SLCO6A1: variants seen among roughly 807,000 people sequenced by gnomAD.
SLCO6A1 encodes the protein cancer/testis antigen 48.
SLCO6A1 carries 65 observed loss-of-function variants against 72.7 expected under a neutral mutation model. That is an observed-to-expected ratio of 0.89 (90% CI 0.73 to 1.10). The LOEUF is 1.10. SLCO6A1 is among the 50% of genes least tolerant of loss of function. The pLI, the probability that SLCO6A1 is intolerant of heterozygous loss-of-function variation, is 0.00. For synonymous variants in SLCO6A1, 314 were observed against 298.2 expected (o/e 1.05, Z -0.55); for missense variants, 874 against 872.6 (o/e 1.00, Z -0.02).
intron 6 of SLCO6A1, among the ~76,000 whole-genome samples, chr5:102,443,469 G>C (rs771833507): frequency 2.0e-5 from 3 of 152,104 alleles, no homozygotes; most frequent in Non-Finnish European, 4.4e-5. Context: ...GACTAGATTA[G>C]TTAGTCACTC....
At chr5:102,485,277 T>C (rs1415299543) in intron 1 of SLCO6A1, among the ~76,000 whole-genome samples, 1 of 124,624 alleles carries the variant, frequency 8.0e-6, no homozygotes, top group African/African-American at 3.3e-5. Context: ...AATAAATAAA[T>C]AAATAAATAA....
At chr5:102,437,420 C>A (rs1050089212) in intron 7 of SLCO6A1, among the ~76,000 whole-genome samples, 6 of 152,040 alleles carry the variant, frequency 3.9e-5, no homozygotes, top group Non-Finnish European at 5.9e-5. Flanking sequence ...CTGGCTAGAT[C>A]CAGGAGCTTG....
At chr5:102,381,226 C>A (rs769952010) in intron 12 of SLCO6A1, among the ~76,000 whole-genome samples, 70 of 151,692 alleles carry the variant, frequency 4.6e-4, no homozygotes, top group Non-Finnish European at 9.0e-4. Context: ...CAATATCTCT[C>A]ATTTCCCATT....
chr5:102,464,220 A>G (rs1751199637), intron 4 of SLCO6A1, among the ~76,000 whole-genome samples: 1 of 152,208 alleles, frequency 6.6e-6, no homozygotes, highest in African/African-American at 2.4e-5. Flanking sequence ...CTTACGCAAG[A>G]AAGAACATTC....
At chr5:102,399,798 T>G in intron 9 of SLCO6A1, 56 bp from the exon 10 acceptor site, 1 of 1,265,930 alleles carries the variant, frequency 7.9e-7, no homozygotes, top group South Asian at 2.2e-5. Context: ...TAAACAAAAG[T>G]TCTTATCATA....
intron 10 of SLCO6A1, among the ~76,000 whole-genome samples, chr5:102,397,987 G>A (rs184017903): frequency 3.5e-4 from 54 of 152,166 alleles, no homozygotes; most frequent in Middle Eastern, 3.4e-3. Context: ...TGGAAACATT[G>A]AATGTTTCAA....
intron 8 of SLCO6A1, among the ~76,000 whole-genome samples, chr5:102,414,928 TAA>T (rs370419912): frequency 7.1e-6 from 1 of 141,040 alleles, no homozygotes; most frequent in African/African-American, 2.5e-5. Flanking sequence ...AATAAATAAA[TAA>T]ATAAATAAAT....
At chr5:102,452,905 T>C (rs2112731484) in intron 6 of SLCO6A1, among the ~76,000 whole-genome samples, 1 of 152,320 alleles carries the variant, frequency 6.6e-6, no homozygotes, top group East Asian at 1.9e-4. Flanking sequence ...TAAACAGCCA[T>C]TGGATTTCAA....
In SLCO6A1 at chr5:102,412,982, AT is replaced by A. The variant is rs1748070398; in HGVS notation, c.1626+7del. The A allele has an allele frequency of 3.2e-6, 4 of 1,253,200 alleles. No homozygotes were observed. Among genetic ancestry groups the A allele is most frequent in the Non-Finnish European group, 4.2e-6 (4 of 962,588 alleles). The allele number at this position is 1,253,200 out of a possible 1,614,324, so 77.6% of individuals were successfully genotyped here. A position where few individuals can be genotyped will look rare whatever the true frequency, so the allele number is the denominator to read the frequency against. ...TAACAAAACATAATAATTATAAAAA[AT>A]AATTACCTTTTTTTGGTTTTGTGCT... On this transcript the variant is annotated splice_region_variant and intron_variant, in intron 9 of 13. Transcript: ENST00000506729.
intron 6 of SLCO6A1, among the ~76,000 whole-genome samples, chr5:102,449,637 C>T (rs1009126851): frequency 9.2e-5 from 14 of 152,250 alleles, no homozygotes; most frequent in African/African-American, 2.4e-4. Context: ...CCGCCCGCCT[C>T]GGCCCCCCAA....
intron 8 of SLCO6A1, among the ~76,000 whole-genome samples, chr5:102,413,700 G>T (rs527431073): frequency 3.0e-4 from 46 of 152,220 alleles, no homozygotes; most frequent in African/African-American, 1.0e-3. Flanking sequence ...CAGTTTTTCA[G>T]AACTGTTGTG....
intron 9 of SLCO6A1, among the ~76,000 whole-genome samples, chr5:102,403,672 A>G (rs1342320417): frequency 6.6e-6 from 1 of 152,198 alleles, no homozygotes; most frequent in East Asian, 1.9e-4. Flanking sequence ...ATTTAACAGT[A>G]CAGCTTAAAC....
intron 6 of SLCO6A1, among the ~76,000 whole-genome samples, chr5:102,440,877 C>T (rs1174106964): frequency 1.3e-5 from 2 of 152,162 alleles, no homozygotes; most frequent in Non-Finnish European, 2.9e-5. Context: ...TTTCCTATTT[C>T]TCTAATTTCA....
At chr5:102,374,060 C>T (rs1309730866) in intron 12 of SLCO6A1, among the ~76,000 whole-genome samples, 3 of 148,676 alleles carry the variant, frequency 2.0e-5, no homozygotes, top group African/African-American at 7.5e-5. Context: ...TCTTTTGAGA[C>T]AGGGTCTCAC....
chr5:102,431,177 TTCTC>T (rs1231631729), intron 7 of SLCO6A1, among the ~76,000 whole-genome samples: 2 of 151,956 alleles, frequency 1.3e-5, no homozygotes, highest in East Asian at 1.9e-4. Context: ...TATTTGGATC[TTCTC>T]TCTTATTAAT....
chr5:102,377,669 A>T (rs1745877184), intron 12 of SLCO6A1, among the ~76,000 whole-genome samples: 1 of 151,766 alleles, frequency 6.6e-6, no homozygotes, highest in Admixed American at 6.6e-5. Flanking sequence ...ACATAGACAT[A>T]TATATAGATA....
At chr5:102,431,869 G>A (rs1749238012) in intron 7 of SLCO6A1, among the ~76,000 whole-genome samples, 1 of 152,122 alleles carries the variant, frequency 6.6e-6, no homozygotes, top group Non-Finnish European at 1.5e-5. Flanking sequence ...GGGGGTCTAA[G>A]GCTCTTTGAA....
chr5:102,480,270 C>T lies in SLCO6A1; in HGVS notation c.523G>A (p.Val175Ile), dbSNP rs903931132. 2 of 1,613,164 alleles carry T rather than the reference C, an allele frequency of 1.2e-6. No individual in the cohort carries two copies. The highest frequency in any genetic ancestry group is 1.7e-5 in the Admixed American group (1 of 59,892). ...AGTCCTATTAAAAAGGAGGAAGCTA[C>T]AAACCATATTACTTTTTTTCTGTCT... The part of the protein sequence containing the change: ...YGDRKKVIWF[V>I]ASSFLIGLGS... Residue 175 changes from valine to isoleucine, a missense_variant, in exon 2 of 14, where the codon GTA becomes ATA. Physicochemically the swap from Val to Ile is conservative, Grantham distance 29 (BLOSUM62 3). Coordinates refer to ENST00000506729, the MANE Select transcript of SLCO6A1 (RefSeq NM_173488.5).
chr5:102,403,939 T>C (rs1273159251), intron 9 of SLCO6A1, among the ~76,000 whole-genome samples: 1 of 152,152 alleles, frequency 6.6e-6, no homozygotes, highest in South Asian at 2.1e-4. Flanking sequence ...TTTTTTCTAA[T>C]TATTTTTCTA....
Sources: allele counts gnomAD v4.1 joint callset (sites outside exome capture counted in the v4.1 genomes callset), GRCh38; gene constraint gnomAD v4.1.1; transcripts MANE v1.5; gene names NCBI Gene and HGNC (gene_info 2026-07-23, HGNC 2026-07-21).